CRLF2: variants seen among roughly 807,000 people sequenced by gnomAD.
CRLF2 encodes the protein cytokine receptor-like factor 2.
Under a neutral mutation model 38.7 loss-of-function variants are expected in CRLF2, and 41 were observed. That is an observed-to-expected ratio of 1.06 (90% CI 0.83 to 1.37). CRLF2 has a LOEUF of 1.37. Ranked by LOEUF, CRLF2 falls within the 40% of genes most tolerant of loss-of-function variation. The pLI, the probability that CRLF2 is intolerant of heterozygous loss-of-function variation, is 0.00. For missense variants in CRLF2, 377 were observed against 322.2 expected, an observed-to-expected ratio of 1.17 and a Z score of -1.30; for synonymous variants, 140 against 128.8, an observed-to-expected ratio of 1.09 and a Z score of -0.59.
At chrX:1,202,611 T>C (rs2086628272) in intron 3 of CRLF2, 76 bp from the exon 4 acceptor site, 1 of 1,564,512 alleles carries the variant, frequency 6.4e-7, no homozygotes, top group Non-Finnish European at 8.8e-7. Context: ...ATCCCCTTTC[T>C]CTAGCCTGTA....
chrX:1,210,482 T>A (rs2086778259), intron 1 of CRLF2, among the ~76,000 whole-genome samples: 1 of 152,076 alleles, frequency 6.6e-6, no homozygotes, highest in Non-Finnish European at 1.5e-5. Flanking sequence ...CCCGGCTGAT[T>A]TTTTGTATTA....
intron 4 of CRLF2, among the ~76,000 whole-genome samples, chrX:1,201,746 CATAG>C (rs1355628574): frequency 1.3e-4 from 19 of 151,600 alleles, no homozygotes; most frequent in Non-Finnish European, 1.6e-4. Flanking sequence ...TAGATACATA[CATAG>C]ATAGATAAAT....
chrX:1,191,049 CG>C lies in CRLF2; in HGVS notation c.963del (p.Glu322SerfsTer41), dbSNP rs2086364630. The C allele has an allele frequency of 2.5e-6, 1 of 398,512 alleles. No homozygotes were observed. Among genetic ancestry groups the C allele is most frequent in the African/African-American group, 2.1e-5 (1 of 48,638 alleles). The allele number at this position is 398,512 out of a possible 1,614,324, so 24.7% of individuals were successfully genotyped here. A position where few individuals can be genotyped will look rare whatever the true frequency, so the allele number is the denominator to read the frequency against. On this transcript the variant is annotated frameshift_variant, in exon 8 of 8. Coordinates refer to ENST00000400841, the MANE Select transcript of CRLF2 (RefSeq NM_022148.4). LOFTEE classifies it high-confidence loss of function. ...PLVVQLAKTEAESPRMLDPQT... is the reference protein window; with the variant it reads ...PLVVQLAKTEXESPRMLDPQT... ...TGTGGGTCCAGCATCCTGGGAGACT[CG>C]GCTTCAGTCTTGGCCAACTGGACTA... is the stretch of plus-strand genomic sequence containing the variant.
At chrX:1,205,520 G>T (rs34332476) in intron 3 of CRLF2, among the ~76,000 whole-genome samples, 1 of 151,472 alleles carries the variant, frequency 6.6e-6, no homozygotes, top group African/African-American at 2.4e-5. Context: ...CGCGACTTGC[G>T]AGAGCTTGCT....
intron 5 of CRLF2, among the ~76,000 whole-genome samples, chrX:1,197,753 G>T (rs1159464454): frequency 2.1e-4 from 32 of 151,814 alleles, no homozygotes; most frequent in African/African-American, 7.3e-4. Flanking sequence ...GGCGGAGGTT[G>T]CAGTGAGCCA....
intron 3 of CRLF2, among the ~76,000 whole-genome samples, chrX:1,203,878 C>T (rs189077952): frequency 5.9e-5 from 9 of 152,050 alleles, no homozygotes; most frequent in East Asian, 5.8e-4. Flanking sequence ...TAGTTCTCAC[C>T]GGATTCTCAA....
chrX:1,193,781 C>CAAA lies in CRLF2; in HGVS notation c.768-482_768-480dup, dbSNP rs1176813644. Among the ~76,000 whole-genome samples, 33 of 58,958 alleles carry CAAA rather than the reference C, an allele frequency of 5.6e-4. 1 individual carries two copies. Among genetic ancestry groups the CAAA allele is most frequent in the African/African-American group, 1.4e-3 (17 of 11,824 alleles). 38.7% of individuals were successfully genotyped at this position (58,958 alleles called of 152,430 possible). A position where few individuals can be genotyped will look rare whatever the true frequency, so the allele number is the denominator to read the frequency against. ...TGGGCGACAGAGCGAGACTCCATCT[C>CAAA]AAAAAAAAAAAAAAAAAAAAAATAC... is the stretch of plus-strand genomic sequence containing the variant. On this transcript the variant is annotated intron_variant, in intron 6 of 7. Transcript: ENST00000400841.
intron 1 of CRLF2, among the ~76,000 whole-genome samples, chrX:1,209,579 C>T (rs1215309041): frequency 6.6e-6 from 1 of 151,946 alleles, no homozygotes; most frequent in African/African-American, 2.4e-5. Context: ...GATCCGCCCG[C>T]CTCATCCACC....
In CRLF2 at chrX:1,202,373, T is replaced by A. The variant is rs186589924; in HGVS notation, c.483+29A>T. The A allele has an allele frequency of 1.5e-4, 235 of 1,612,912 alleles. 2 individuals carry two copies. The East Asian group carries it at 4.9e-3, about 34-fold the overall frequency. ...GCACCTGGGGGACGCTCAGCCACCA[T>A]CGCCCTGAGTCGCGGCCGCCCGGCT... On this transcript the variant is annotated intron_variant, in intron 4 of 7. Coordinates refer to ENST00000400841, the MANE Select transcript of CRLF2 (RefSeq NM_022148.4).
intron 1 of CRLF2, among the ~76,000 whole-genome samples, chrX:1,212,270 T>C (rs1289446707): frequency 4.6e-5 from 7 of 151,238 alleles, no homozygotes; most frequent in Admixed American, 4.6e-4. Context: ...CACGCACACA[T>C]ACAGTTCCTA....
chrX:1,211,008 G>T (rs1262375629), intron 1 of CRLF2, among the ~76,000 whole-genome samples: 1 of 151,784 alleles, frequency 6.6e-6, no homozygotes, highest in Non-Finnish European at 1.5e-5. Flanking sequence ...TGGATGAGTG[G>T]ATGAAAGTGT....
At chrX:1,198,078 G>C (rs1461525336) in intron 5 of CRLF2, among the ~76,000 whole-genome samples, 1 of 152,078 alleles carries the variant, frequency 6.6e-6, no homozygotes, top group Non-Finnish European at 1.5e-5. Context: ...TTTCAGATGG[G>C]GCCCTGGAGG....
intron 4 of CRLF2, chrX:1,199,006 A>G (rs1449308441): frequency 4.3e-6 from 2 of 467,256 alleles, no homozygotes. Flanking sequence ...AAAATTAGCC[A>G]GGCGTGGTGG....
At chrX:1,204,931 T>C (rs1432661295) in intron 3 of CRLF2, among the ~76,000 whole-genome samples, 1 of 152,148 alleles carries the variant, frequency 6.6e-6, no homozygotes, top group Non-Finnish European at 1.5e-5. Context: ...GCAATTTCCC[T>C]GCCTCAGCCT....
intron 4 of CRLF2, among the ~76,000 whole-genome samples, chrX:1,200,042 T>C (rs1354791320): frequency 7.0e-6 from 1 of 143,454 alleles, no homozygotes; most frequent in African/African-American, 2.5e-5. Context: ...TATGTGTGTG[T>C]ATATATGTGT....
chrX:1,200,064 GTGTATATA>G (rs2086573691), intron 4 of CRLF2, among the ~76,000 whole-genome samples: 1 of 107,720 alleles, frequency 9.3e-6, no homozygotes, highest in Non-Finnish European at 2.0e-5. Context: ...TATATAAGGT[GTGTATATA>G]TGTGTATATG....
chrX:1,206,734 C>A, intron 2 of CRLF2, 135 bp from the exon 3 acceptor site: 1 of 772,512 alleles, frequency 1.3e-6, no homozygotes, highest in Non-Finnish European at 2.1e-6. Flanking sequence ...CCTCTGCCTC[C>A]CGGGTTCAAG....
intron 3 of CRLF2, among the ~76,000 whole-genome samples, chrX:1,206,140 A>T (rs1569471967): frequency 2.0e-5 from 3 of 151,870 alleles, no homozygotes; most frequent in African/African-American, 7.2e-5. Context: ...CCGACGATTT[A>T]CGTGAGCTTT....
chrX:1,209,680 C>T (rs1193610028), intron 1 of CRLF2, among the ~76,000 whole-genome samples: 1 of 152,124 alleles, frequency 6.6e-6, no homozygotes, highest in Non-Finnish European at 1.5e-5. Flanking sequence ...TAGTGCCATG[C>T]ACAGATGTAT....
Sources: gnomAD v4.1 joint callset for allele counts (sites outside exome capture counted in the v4.1 genomes callset) on GRCh38, gnomAD v4.1.1 for gene constraint, MANE v1.5 for transcripts, NCBI Gene and HGNC (gene_info 2026-07-23, HGNC 2026-07-21) for gene names.